C1orf174: variants seen among roughly 807,000 people sequenced by gnomAD.
C1orf174 encodes the protein UPF0688 protein C1orf174.
In C1orf174, 13 loss-of-function variants were observed where a neutral mutation model predicts 18.4. The observed-to-expected ratio is 0.71, with a 90% CI of 0.46 to 1.12. C1orf174 has a LOEUF of 1.12. C1orf174 is among the 50% of genes most tolerant of loss of function. The probability of loss-of-function intolerance (pLI) is 0.00; values close to 1 mark genes in which losing one functional copy is unlikely to be tolerated. For missense variants in C1orf174, 309 were observed against 308.0 expected (o/e 1.00, Z -0.02); for synonymous variants, 100 against 118.3 (o/e 0.85, Z 1.01).
rs1638467720 is a variant in C1orf174, at chr1:3,889,766, GGTTTGA to G, written c.*188_*193del. On this transcript the variant is annotated 3_prime_UTR_variant, in exon 4 of 4. Coordinates refer to ENST00000361605, the MANE Select transcript of C1orf174 (RefSeq NM_207356.3). ...ACAGCAGCTTTGCAACCTCAAAGAT[GGTTTGA>G]GTTTTAGTTCCCATGAGTACATCCT... is the stretch of plus-strand genomic sequence containing the variant. 3 of 606,340 alleles carry G rather than the reference GGTTTGA, an allele frequency of 4.9e-6. No homozygotes were observed. The highest frequency in any genetic ancestry group is 1.9e-5 in the South Asian group (1 of 51,378). The allele number at this position is 606,340 out of a possible 1,614,324, so 37.6% of individuals were successfully genotyped here.
chr1:3,896,682 A>G (rs888982263), intron 1 of C1orf174, among the ~76,000 whole-genome samples: 1 of 152,260 alleles, frequency 6.6e-6, no homozygotes, highest in Non-Finnish European at 1.5e-5. Context: ...TTCGCAGAAG[A>G]GAACCAGAGA....
intron 1 of C1orf174, chr1:3,896,046 G>GCAC (rs1491140052): frequency 6.6e-6 from 1 of 152,662 alleles, no homozygotes; most frequent in Non-Finnish European, 1.5e-5. Context: ...TAAGGACACG[G>GCAC]AGAGTCTGTG....
chr1:3,890,362 C>A (rs1193822193), intron 3 of C1orf174, among the ~76,000 whole-genome samples: 2 of 152,198 alleles, frequency 1.3e-5, no homozygotes, highest in Admixed American at 1.3e-4. Flanking sequence ...ACACACCTTT[C>A]CCGAGAGCAG....
At position 3,892,905 on chromosome 1, in the gene C1orf174, G is replaced by A. The variant is rs756151482; in HGVS notation, c.107C>T (p.Thr36Met). 8 of 1,614,074 alleles carry A rather than the reference G, an allele frequency of 5.0e-6. No homozygotes were observed. The highest frequency in any genetic ancestry group is 1.7e-5 in the Admixed American group (1 of 60,002). ...CACCAGACATGCTGTCTTGGCAGAC[G>A]TGGAACCAGCAACTTCCTGGGCAGA... The part of the protein sequence containing the change: ...LASAQEVAGS[T>M]SAKTACLTSS... The change falls in exon 2 of 4, where the codon ACG becomes ATG. Residue 36 changes from threonine to methionine, a missense_variant. Transcript: ENST00000361605.
chr1:3,892,901 A>G lies in C1orf174; in HGVS notation c.111T>C (p.Ser37=). The G allele has an allele frequency of 6.2e-7, 1 of 1,614,182 alleles. No individual in the cohort carries two copies. Residue 37 remains serine (S), a synonymous_variant, in exon 2 of 4, where the codon TCT becomes TCC. Transcript: ENST00000361605. ...ASAQEVAGST[S]AKTACLTSSS... ...GGCTCACCAGACATGCTGTCTTGGC[A>G]GACGTGGAACCAGCAACTTCCTGGG...
chr1:3,899,464 C>T (rs1465585580), intron 1 of C1orf174, among the ~76,000 whole-genome samples: 1 of 152,186 alleles, frequency 6.6e-6, no homozygotes, highest in Non-Finnish European at 1.5e-5. Flanking sequence ...AACTGTTACA[C>T]CCACGCAATG....
At chr1:3,899,343 C>T (rs1240163738) in intron 1 of C1orf174, among the ~76,000 whole-genome samples, 3 of 152,192 alleles carry the variant, frequency 2.0e-5, no homozygotes, top group Non-Finnish European at 4.4e-5. Context: ...AGTTGGAATT[C>T]ACAAGTGGCC....
intron 1 of C1orf174, chr1:3,895,809 C>T (rs1638596271): frequency 6.6e-6 from 1 of 152,248 alleles, no homozygotes; most frequent in South Asian, 2.1e-4. Flanking sequence ...AGATTCTCCT[C>T]ATTCCAGTAG....
In C1orf174 at chr1:3,889,831, A is replaced by C; in HGVS notation, c.*129T>G. The C allele has an allele frequency of 1.2e-6, 1 of 851,614 alleles. No homozygotes were observed. The highest frequency in any genetic ancestry group is 2.4e-5 in the East Asian group (1 of 41,104). The allele number at this position is 851,614 out of a possible 1,614,324, so 52.8% of individuals were successfully genotyped here. ...ATTGGGTGCTTTGCACTATTGACTTAGATGGGTCAGTTCTGAAGTTTGATT... is the reference window on the plus strand; with the variant it reads ...ATTGGGTGCTTTGCACTATTGACTTCGATGGGTCAGTTCTGAAGTTTGATT... On this transcript the variant is annotated 3_prime_UTR_variant, in exon 4 of 4. Coordinates refer to ENST00000361605, the MANE Select transcript of C1orf174 (RefSeq NM_207356.3).
Position 3,890,816 on chromosome 1 carries a change from C to T in C1orf174, c.371G>A (p.Cys124Tyr), listed in dbSNP as rs763317236. The change falls in exon 3 of 4, where the codon TGC (cysteine) becomes TAC (tyrosine). Residue 124 changes from cysteine to tyrosine, a missense_variant. Cys to Tyr is a radical substitution (Grantham distance 194, BLOSUM62 -2). Coordinates refer to ENST00000361605, the MANE Select transcript of C1orf174 (RefSeq NM_207356.3). ...TAAGCGAGAGTCACTCACAACTCTG[C>T]AGCCACCGAGAGGAAGACTTGCAGC... ...QGAASLPLGG[C>Y]RVVSDSRLAK... is the part of the protein sequence containing the mutation. 14 of 1,613,278 alleles carry T rather than the reference C, an allele frequency of 8.7e-6. No homozygotes were observed. In the East Asian group the frequency reaches 8.9e-5, roughly 10 times the overall value.
intron 1 of C1orf174, among the ~76,000 whole-genome samples, chr1:3,899,421 GCCGGGTCCACTGTGAA>G (rs1463045464): frequency 6.6e-6 from 1 of 152,062 alleles, no homozygotes; most frequent in Non-Finnish European, 1.5e-5. Context: ...CGGGACCCGC[GCCGGGTCCACTGTGAA>G]AAGGGTCCTT....
intron 1 of C1orf174, among the ~76,000 whole-genome samples, chr1:3,897,163 T>A (rs1425213517): frequency 1.3e-5 from 2 of 152,102 alleles, no homozygotes; most frequent in Non-Finnish European, 2.9e-5. Context: ...AAAAGTAGGC[T>A]CATACACTGG....
Position 3,892,919 on chromosome 1 carries a change from T to G in C1orf174, c.93A>C (p.Glu31Asp), listed in dbSNP as rs1638537454. The G allele has an allele frequency of 6.2e-7, 1 of 1,614,196 alleles. No homozygotes were observed. Among genetic ancestry groups the G allele is most frequent in the Non-Finnish European group, 8.5e-7 (1 of 1,180,028 alleles). Residue 31 changes from glutamate (E) to aspartate (D), a missense_variant, in exon 2 of 4, where the codon GAA becomes GAC. Glu to Asp is a conservative substitution (Grantham distance 45). Coordinates refer to ENST00000361605, the MANE Select transcript of C1orf174 (RefSeq NM_207356.3). ...CSAARLASAQ[E>D]VAGSTSAKTA... ...TCTTGGCAGACGTGGAACCAGCAAC[T>G]TCCTGGGCAGAGGCCAACCTGGCTG...
intron 1 of C1orf174, among the ~76,000 whole-genome samples, chr1:3,896,751 T>C (rs1000998172): frequency 6.6e-6 from 1 of 152,172 alleles, no homozygotes; most frequent in Non-Finnish European, 1.5e-5. Context: ...ACACTGACCT[T>C]AGAAAGTATC....
At chr1:3,899,924 G>GACCT (rs1638677359) in intron 1 of C1orf174, among the ~76,000 whole-genome samples, 1 of 151,756 alleles carries the variant, frequency 6.6e-6, no homozygotes, top group African/African-American at 2.4e-5. Context: ...CCGGGGACGT[G>GACCT]ACCTGTGAGC....
chr1:3,890,023 G>C lies in C1orf174; in HGVS notation c.669C>G (p.Phe223Leu), dbSNP rs756645091. ...CTTTGGCTCTGAAATGCATTTTTCT[G>C]AACTCTCGTCTGCTCATTGAAGGAC... The part of the protein sequence containing the change: ...SSCPSMSRRE[F>L]RKMHFRAKDD... Residue 223 changes from phenylalanine to leucine, a missense_variant, in exon 4 of 4, where the codon TTC (phenylalanine) becomes TTG (leucine). Physicochemically the swap from Phe to Leu is conservative, Grantham distance 22. Coordinates refer to ENST00000361605, the MANE Select transcript of C1orf174 (RefSeq NM_207356.3). 1 of 1,614,160 alleles carries C rather than the reference G, an allele frequency of 6.2e-7. No homozygotes were observed. Among genetic ancestry groups the C allele is most frequent in the Non-Finnish European group, 8.5e-7 (1 of 1,180,038 alleles).
intron 3 of C1orf174, 59 bp downstream of exon 3, chr1:3,890,510 G>T: frequency 6.3e-7 from 1 of 1,593,574 alleles, no homozygotes; most frequent in South Asian, 1.1e-5. Flanking sequence ...GGGAGTGTGT[G>T]ACCTGAATGT....
rs937432843 is a variant in C1orf174, at chr1:3,893,442, C to T, written c.16-446G>A. Among the ~76,000 whole-genome samples the T allele has an allele frequency of 3.3e-5, 5 of 152,170 alleles. No individual in the cohort carries two copies. The South Asian group carries it at 6.2e-4, about 19-fold the overall frequency. On this transcript the variant is annotated intron_variant, in intron 1 of 3. Transcript: ENST00000361605. ...TATTCTATTAGCTGAATGCAGCTAGCGACTGTCTCACAAATTTTAATATTA... is the reference window on the plus strand; with the variant it reads ...TATTCTATTAGCTGAATGCAGCTAGTGACTGTCTCACAAATTTTAATATTA...
intron 3 of C1orf174, 41 bp from the exon 4 acceptor site, chr1:3,890,114 C>T (rs1351744093): frequency 6.7e-6 from 10 of 1,495,080 alleles, no homozygotes; most frequent in Admixed American, 1.7e-5. Context: ...ATGAGCAATA[C>T]ATATCTGCAC....
Sources: gnomAD v4.1 joint callset for allele counts (sites outside exome capture counted in the v4.1 genomes callset) on GRCh38, gnomAD v4.1.1 for gene constraint, MANE v1.5 for transcripts, NCBI Gene and HGNC (gene_info 2026-07-23, HGNC 2026-07-21) for gene names.